MAP4K4: variants seen among roughly 807,000 people sequenced by gnomAD.
MAP4K4 encodes HPK/GCK-like kinase HGK.
MAP4K4 carries 38 observed loss-of-function variants against 189.6 expected under a neutral mutation model. The ratio of observed to expected loss-of-function variants is 0.20; its 90% CI spans 0.15 to 0.26. The LOEUF is 0.26. MAP4K4 is among the 10% of genes least tolerant of loss of function. The pLI is 1.00. For missense variants in MAP4K4, 1,054 were observed against 1,726.9 expected, an observed-to-expected ratio of 0.61 and a Z score of 6.91; for synonymous variants, 610 against 624.3, an observed-to-expected ratio of 0.98 and a Z score of 0.34.
intron 5 of MAP4K4, among the ~76,000 whole-genome samples, chr2:101,828,845 C>T (rs1180183676): frequency 6.6e-6 from 1 of 152,184 alleles, no homozygotes; most frequent in African/African-American, 2.4e-5. Flanking sequence ...TGTTTTTGTT[C>T]TTCCACCACC....
chr2:101,838,729 C>T (rs1015070198), intron 9 of MAP4K4, among the ~76,000 whole-genome samples: 2 of 151,948 alleles, frequency 1.3e-5, no homozygotes, highest in Non-Finnish European at 2.9e-5. Context: ...ATAGTTGATA[C>T]GTAAATATTT....
At chr2:101,742,003 G>T (rs1236766839) in intron 2 of MAP4K4, among the ~76,000 whole-genome samples, 1 of 152,124 alleles carries the variant, frequency 6.6e-6, no homozygotes, top group Non-Finnish European at 1.5e-5. Flanking sequence ...TTTAGTGAGG[G>T]GTCTAAGTGA....
At chr2:101,774,139 T>A (rs2082783973) in intron 2 of MAP4K4, among the ~76,000 whole-genome samples, 1 of 152,206 alleles carries the variant, frequency 6.6e-6, no homozygotes, top group Non-Finnish European at 1.5e-5. Context: ...AACCTCCAAA[T>A]GGTTCTCCAT....
In MAP4K4 at chr2:101,779,905, T is replaced by C. The variant is rs532920470; in HGVS notation, c.124-10815T>C. Among the ~76,000 whole-genome samples, 12 of 152,182 alleles carry C rather than the reference T, an allele frequency of 7.9e-5. No individual in the cohort carries two copies. The South Asian group carries it at 1.9e-3, about 24-fold the overall frequency. ...CAAATTAAGAGCTGTGTACAGACTT[T>C]GAATACCAGAAGGAAAACAAATGCT... is the stretch of plus-strand genomic sequence containing the variant. On this transcript the variant is annotated intron_variant, in intron 2 of 32. Transcript: ENST00000324219.
At chr2:101,806,406 C>T (rs1459707601) in intron 3 of MAP4K4, among the ~76,000 whole-genome samples, 2 of 143,568 alleles carry the variant, frequency 1.4e-5, no homozygotes, top group Non-Finnish European at 3.0e-5. Flanking sequence ...GACGGAATCT[C>T]GCTCTGTCAC....
At chr2:101,834,559 G>A in intron 8 of MAP4K4, 96 bp downstream of exon 8, 1 of 938,138 alleles carries the variant, frequency 1.1e-6, no homozygotes, top group Non-Finnish European at 1.7e-6. Flanking sequence ...ATGGATAAAG[G>A]CATTTCTGGT....
chr2:101,800,006 C>G (rs1168912350), intron 3 of MAP4K4, among the ~76,000 whole-genome samples: 2 of 152,078 alleles, frequency 1.3e-5, no homozygotes, highest in Non-Finnish European at 2.9e-5. Context: ...AGGATTATCT[C>G]AGCCCTTCTA....
chr2:101,885,779 TA>T (rs2098471705), intron 29 of MAP4K4, among the ~76,000 whole-genome samples: 1 of 152,224 alleles, frequency 6.6e-6, no homozygotes, highest in Non-Finnish European at 1.5e-5. Flanking sequence ...TTTGTTTCAA[TA>T]AAAAACTCAG....
intron 2 of MAP4K4, among the ~76,000 whole-genome samples, chr2:101,719,994 A>G (rs192078853): frequency 1.1e-3 from 161 of 152,108 alleles, no homozygotes; most frequent in African/African-American, 3.5e-3. Context: ...CCTGGGCGAC[A>G]AGAGTGAGAC....
At chr2:101,722,634 T>C (rs1205561435) in intron 2 of MAP4K4, among the ~76,000 whole-genome samples, 1 of 152,188 alleles carries the variant, frequency 6.6e-6, no homozygotes, top group African/African-American at 2.4e-5. Flanking sequence ...GTCCTTCCTT[T>C]GAGAGTGTAT....
chr2:101,829,234 G>GCAGTGTATCTTAAAGGCA (rs2096506324), intron 5 of MAP4K4, among the ~76,000 whole-genome samples: 1 of 152,200 alleles, frequency 6.6e-6, no homozygotes, highest in Admixed American at 6.5e-5. Context: ...ATGGTAATCT[G>GCAGTGTATCTTAAAGGCA]CAGTGTATCT....
intron 28 of MAP4K4, among the ~76,000 whole-genome samples, chr2:101,883,707 C>T (rs2098441907): frequency 6.6e-6 from 1 of 151,912 alleles, no homozygotes; most frequent in South Asian, 2.1e-4. Flanking sequence ...TGTGTGTTTT[C>T]TTTTTTCTAT....
intron 16 of MAP4K4, chr2:101,861,393 G>A (rs1367559023): frequency 1.3e-5 from 2 of 158,120 alleles, no homozygotes; most frequent in Non-Finnish European, 2.8e-5. Flanking sequence ...CTGGCTCTTG[G>A]CCAGTCCTAT....
intron 3 of MAP4K4, among the ~76,000 whole-genome samples, chr2:101,820,797 C>A (rs2096005352): frequency 6.6e-6 from 1 of 152,140 alleles, no homozygotes; most frequent in Non-Finnish European, 1.5e-5. Flanking sequence ...TGTGGTGAGT[C>A]AGGAGGGAGC....
chr2:101,750,516 TGGGGGAG>T (rs2068278587), intron 2 of MAP4K4, among the ~76,000 whole-genome samples: 1 of 51,698 alleles, frequency 1.9e-5, no homozygotes, highest in African/African-American at 7.9e-5. Flanking sequence ...GTGGTGGGGT[TGGGGGAG>T]GGGGGAGGGA....
intron 2 of MAP4K4, among the ~76,000 whole-genome samples, chr2:101,789,207 C>T (rs984242367): frequency 3.3e-5 from 5 of 152,138 alleles, no homozygotes; most frequent in East Asian, 1.9e-4. Context: ...GAACTTTGTA[C>T]GCTTATGTGG....
intron 2 of MAP4K4, among the ~76,000 whole-genome samples, chr2:101,738,009 G>A (rs1167758889): frequency 6.6e-6 from 1 of 152,154 alleles, no homozygotes; most frequent in African/African-American, 2.4e-5. Flanking sequence ...AGCATCATAT[G>A]GCTTGTAGGT....
intron 2 of MAP4K4, among the ~76,000 whole-genome samples, chr2:101,778,923 C>G (rs971558264): frequency 1.3e-5 from 2 of 152,128 alleles, no homozygotes; most frequent in African/African-American, 4.8e-5. Context: ...GGAATTCCAC[C>G]TCACCCCTCT....
Position 101,888,083 on chromosome 2 carries a change from G to T in MAP4K4, c.3931+146G>T, listed in dbSNP as rs1167484702. 4 of 588,902 alleles carry T rather than the reference G, an allele frequency of 6.8e-6. No individual in the cohort carries two copies. In the East Asian group the frequency reaches 8.8e-5, roughly 13 times the overall value. The allele number at this position is 588,902 out of a possible 1,614,324, so 36.5% of individuals were successfully genotyped here. A position where few individuals can be genotyped will look rare whatever the true frequency, so the allele number is the denominator to read the frequency against. On this transcript the variant is annotated intron_variant, in intron 31 of 32. Transcript: ENST00000324219. Reference sequence around the variant, plus strand: ...GTTGGCAGTAGATGGTGGAAAGTTAGATTGTAGGCCGTGGAAATAGTCATA... The same window carrying T: ...GTTGGCAGTAGATGGTGGAAAGTTATATTGTAGGCCGTGGAAATAGTCATA...
Sources: allele counts gnomAD v4.1 joint callset (sites outside exome capture counted in the v4.1 genomes callset), GRCh38; gene constraint gnomAD v4.1.1; transcripts MANE v1.5; gene names NCBI Gene and HGNC (gene_info 2026-07-23, HGNC 2026-07-21).